The following AKR1B15 variants were observed in gnomAD, a reference collection of about 807,000 sequenced individuals.
AKR1B15 encodes the protein estradiol 17-beta-dehydrogenase AKR1B15.
In AKR1B15, 49 loss-of-function variants were observed where a neutral mutation model predicts 38.5. That is an observed-to-expected ratio of 1.27 (90% CI 1.01 to 1.62). The LOEUF (loss-of-function observed/expected upper bound fraction) is 1.62, where lower values mean the gene tolerates loss of function less well. AKR1B15 is among the 40% of genes most tolerant of loss of function. The pLI is 0.00. For missense variants in AKR1B15, 411 were observed against 381.6 expected (o/e 1.08, Z -0.64); for synonymous variants, 137 against 135.5 (o/e 1.01, Z -0.08).
intron 1 of AKR1B15, among the ~76,000 whole-genome samples, chr7:134,554,495 G>T (rs1162807201): frequency 6.6e-6 from 1 of 151,998 alleles, no homozygotes; most frequent in Non-Finnish European, 1.5e-5. Context: ...AGTAAAACTG[G>T]CCCAGCTTCT....
chr7:134,564,508 C>T (rs1461498928), intron 2 of AKR1B15, 90 bp from the exon 3 acceptor site: 2 of 541,598 alleles, frequency 3.7e-6, no homozygotes, highest in Middle Eastern at 4.8e-4. Flanking sequence ...CATGGCTTCT[C>T]CCCTTTCTAG....
At chr7:134,579,412 A>G (rs1794835559) in intron 11 of AKR1B15, 95 bp from the exon 12 acceptor site, 2 of 1,109,936 alleles carry the variant, frequency 1.8e-6, no homozygotes, top group Admixed American at 2.9e-5. Context: ...AGAGACCACA[A>G]ATACCACAGA....
Position 134,577,914 on chromosome 7 carries a change from A to G in AKR1B15, c.992+128A>G. On this transcript the variant is annotated intron_variant, in intron 11 of 11. Transcript: ENST00000457545. ...CAAATACTATTTTGGGGCAGTTTTG[A>G]AAGTTAAAATTTGGGTACCTGGGAA... The G allele has an allele frequency of 3.6e-6, 4 of 1,106,852 alleles. No homozygotes were observed. In the South Asian group the frequency reaches 4.6e-5, roughly 13 times the overall value. 68.6% of individuals were successfully genotyped at this position (1,106,852 alleles called of 1,614,324 possible).
At chr7:134,551,359 C>T (rs1379340055) in intron 1 of AKR1B15, among the ~76,000 whole-genome samples, 11 of 152,132 alleles carry the variant, frequency 7.2e-5, no homozygotes, top group African/African-American at 2.2e-4. Flanking sequence ...TACTTCTGAC[C>T]TGTACAACTG....
chr7:134,569,410 C>T lies in AKR1B15; in HGVS notation c.319-3C>T, dbSNP rs369249837. On this transcript the variant is annotated splice_region_variant and splice_polypyrimidine_tract_variant and intron_variant, in intron 4 of 11. Transcript: ENST00000457545. ...TACTAGCTCATTGCTACACTCTTTG[C>T]AGGTGTGGCCCACTTTCTTTGAGAG... is the stretch of plus-strand genomic sequence containing the variant. 5 of 1,613,792 alleles carry T rather than the reference C, an allele frequency of 3.1e-6. No individual in the cohort carries two copies. In the African/African-American group the frequency reaches 5.3e-5, roughly 17 times the overall value.
intron 2 of AKR1B15, among the ~76,000 whole-genome samples, chr7:134,557,968 T>C (rs998436240): frequency 2.0e-5 from 3 of 152,088 alleles, no homozygotes; most frequent in Non-Finnish European, 2.9e-5. Flanking sequence ...CGTTTTCTCT[T>C]CCATTGAACA....
chr7:134,564,849 G>A (rs1168906082), intron 3 of AKR1B15, 80 bp downstream of exon 3: 1 of 532,412 alleles, frequency 1.9e-6, no homozygotes, highest in East Asian at 3.1e-5. Context: ...GAGAGGTGAA[G>A]CCAGCTGGAC....
intron 3 of AKR1B15, chr7:134,565,629 C>T: frequency 6.3e-7 from 1 of 1,576,310 alleles, no homozygotes; most frequent in Non-Finnish European, 8.6e-7. Context: ...CCAGAAAAGC[C>T]TGGAGGTCGG....
At chr7:134,566,942 T>G (rs900886778) in intron 3 of AKR1B15, among the ~76,000 whole-genome samples, 1 of 152,222 alleles carries the variant, frequency 6.6e-6, no homozygotes, top group Non-Finnish European at 1.5e-5. Context: ...GGGAATCTGC[T>G]CACCCTTCAT....
chr7:134,578,654 A>G (rs1794816003), intron 11 of AKR1B15, among the ~76,000 whole-genome samples: 1 of 152,252 alleles, frequency 6.6e-6, no homozygotes, highest in African/African-American at 2.4e-5. Context: ...TTCAATGGCA[A>G]TTTGAATTTC....
At chr7:134,564,948 G>C in intron 3 of AKR1B15, 179 bp downstream of exon 3, 1 of 441,774 alleles carries the variant, frequency 2.3e-6, no homozygotes, top group Non-Finnish European at 4.0e-6. Context: ...CTAGCTAAAG[G>C]ATTGTAAATG....
At chr7:134,577,086 AG>A (rs1794782056) in intron 10 of AKR1B15, 40 bp downstream of exon 10, 1 of 1,561,904 alleles carries the variant, frequency 6.4e-7, no homozygotes, top group African/African-American at 1.4e-5. Flanking sequence ...TCCTCAGTGG[AG>A]TGGGGGACAG....
chr7:134,575,677 T>C, intron 7 of AKR1B15, 135 bp downstream of exon 7: 3 of 1,577,418 alleles, frequency 1.9e-6, no homozygotes, highest in Non-Finnish European at 2.6e-6. Flanking sequence ...GGTGTGAGGC[T>C]GATCTCATGG....
chr7:134,578,687 A>C (rs1446005810), intron 11 of AKR1B15, among the ~76,000 whole-genome samples: 1 of 152,230 alleles, frequency 6.6e-6, no homozygotes, highest in Admixed American at 6.5e-5. Context: ...TGTAGCCAAA[A>C]ATGATTTTTC....
intron 3 of AKR1B15, 33 bp from the exon 4 acceptor site, chr7:134,568,125 A>G: frequency 3.1e-6 from 5 of 1,612,538 alleles, no homozygotes; most frequent in Non-Finnish European, 4.2e-6. Flanking sequence ...AAAAAAAAAT[A>G]CATGTGTGAT....
chr7:134,577,032 G>T lies in AKR1B15; in HGVS notation c.895G>T (p.Val299Phe). The T allele has an allele frequency of 6.2e-7, 1 of 1,613,748 alleles. No homozygotes were observed. The highest frequency in any genetic ancestry group is 8.5e-7 in the Non-Finnish European group (1 of 1,179,706). The change falls in exon 10 of 12, where the codon GTT becomes TTT. Residue 299 changes from valine (V) to phenylalanine (F), a missense_variant. Coordinates refer to ENST00000457545, the MANE Select transcript of AKR1B15 (RefSeq NM_001080538.3). ...CAAGTCTATGACACCAGCACACATT[G>T]TTGAGAACATTCAGGTAAGTTTCCG... is the stretch of plus-strand genomic sequence containing the variant. ...IPKSMTPAHI[V>F]ENIQVFDFKL...
chr7:134,560,595 G>C (rs73724976), intron 2 of AKR1B15, among the ~76,000 whole-genome samples: 1 of 152,170 alleles, frequency 6.6e-6, no homozygotes, highest in Non-Finnish European at 1.5e-5. Flanking sequence ...AGTGGTTCTA[G>C]AAGGAATATT....
At chr7:134,565,397 C>T (rs1223097459) in intron 3 of AKR1B15, 26 of 1,602,368 alleles carry the variant, frequency 1.6e-5, no homozygotes, top group East Asian at 9.0e-5. Flanking sequence ...AGCGAGACCA[C>T]GAACCCTCTG....
chr7:134,575,512 T>C lies in AKR1B15; in HGVS notation c.606T>C (p.Pro202=). 1 of 1,613,894 alleles carries C rather than the reference T, an allele frequency of 6.2e-7. No individual in the cohort carries two copies. Among genetic ancestry groups the C allele is most frequent in the South Asian group, 1.1e-5 (1 of 91,072 alleles). Residue 202 remains proline (P), a synonymous_variant, in exon 7 of 12, where the codon CCT becomes CCC. Transcript: ENST00000457545. The part of the protein sequence containing the change: ...HFQIERLLNK[P]GLKYKPVTNQ... ...AGATCGAGAGGCTCTTGAACAAACC[T>C]GGACTGAAATATAAACCAGTGACTA...
Sources: allele counts gnomAD v4.1 joint callset (sites outside exome capture counted in the v4.1 genomes callset), GRCh38; gene constraint gnomAD v4.1.1; transcripts MANE v1.5; gene names NCBI Gene and HGNC (gene_info 2026-07-23, HGNC 2026-07-21).